Variants in PATJ observed in about 807,000 individuals in gnomAD.
PATJ encodes PATJ crumbs cell polarity complex component.
In PATJ, 190 loss-of-function variants were observed where a neutral mutation model predicts 224.9. The observed-to-expected ratio is 0.84, with a 90% CI of 0.75 to 0.95. The LOEUF is 0.95. PATJ is among the 40% of genes least tolerant of loss of function. The pLI, the probability that PATJ is intolerant of heterozygous loss-of-function variation, is 0.00. For synonymous variants in PATJ, 769 were observed against 820.3 expected, an observed-to-expected ratio of 0.94 and a Z score of 1.07; for missense variants, 2,121 against 2,270.3, an observed-to-expected ratio of 0.93 and a Z score of 1.34.
intron 22 of PATJ, among the ~76,000 whole-genome samples, chr1:61,888,041 A>G (rs1423598722): frequency 6.6e-6 from 1 of 152,148 alleles, no homozygotes; most frequent in Non-Finnish European, 1.5e-5. Flanking sequence ...CATAGCCCAT[A>G]TCTGAGTGGA....
intron 14 of PATJ, among the ~76,000 whole-genome samples, chr1:61,810,515 A>G (rs928704083): frequency 1.3e-5 from 2 of 151,874 alleles, no homozygotes; most frequent in African/African-American, 2.4e-5. Flanking sequence ...TGGCCAACAT[A>G]GTGAAACCCT....
intron 43 of PATJ, among the ~76,000 whole-genome samples, chr1:62,159,960 C>G (rs1257981614): frequency 6.6e-6 from 1 of 152,116 alleles, no homozygotes; most frequent in African/African-American, 2.4e-5. Context: ...GGACACAGAT[C>G]TCAGGAGCGT....
chr1:62,084,118 G>A (rs543764049), intron 32 of PATJ, among the ~76,000 whole-genome samples: 1 of 152,308 alleles, frequency 6.6e-6, no homozygotes, highest in South Asian at 2.1e-4. Context: ...GCCAGGCATG[G>A]TGGTGGGTGC....
intron 21 of PATJ, among the ~76,000 whole-genome samples, chr1:61,878,761 A>G (rs1667687547): frequency 6.6e-6 from 1 of 151,478 alleles, no homozygotes; most frequent in South Asian, 2.1e-4. Context: ...TAAGGCAAGT[A>G]CCCCAAATAT....
chr1:61,780,816 A>T (rs1481267678), intron 7 of PATJ, among the ~76,000 whole-genome samples: 2 of 152,228 alleles, frequency 1.3e-5, no homozygotes, highest in Admixed American at 1.3e-4. Context: ...TAAGATGTGC[A>T]GAGTTTCCCA....
At chr1:61,930,194 TA>T (rs1255998550) in intron 27 of PATJ, among the ~76,000 whole-genome samples, 4 of 152,166 alleles carry the variant, frequency 2.6e-5, no homozygotes, top group African/African-American at 9.7e-5. Flanking sequence ...TACACCCCAT[TA>T]AATTTACTGT....
At chr1:62,074,516 C>T (rs1362277436) in intron 31 of PATJ, among the ~76,000 whole-genome samples, 1 of 152,052 alleles carries the variant, frequency 6.6e-6, no homozygotes, top group African/African-American at 2.4e-5. Flanking sequence ...TCACTCTAAC[C>T]TCAAACTCCT....
intron 34 of PATJ, 32 bp from the exon 35 acceptor site, chr1:62,114,021 A>G (rs757427720): frequency 1.2e-6 from 2 of 1,602,120 alleles, no homozygotes. Flanking sequence ...CTCTGCCATC[A>G]GCAGCCCAGC....
At chr1:62,068,003 G>A (rs1656767392) in intron 31 of PATJ, among the ~76,000 whole-genome samples, 1 of 152,106 alleles carries the variant, frequency 6.6e-6, no homozygotes, top group African/African-American at 2.4e-5. Flanking sequence ...GTTTCACCGT[G>A]TTCCCTAGGC....
intron 39 of PATJ, among the ~76,000 whole-genome samples, chr1:62,124,974 C>G (rs758398395): frequency 6.6e-5 from 10 of 152,022 alleles, no homozygotes; most frequent in African/African-American, 9.7e-5. Context: ...TACCTGTAAT[C>G]CCAGCATTGT....
At chr1:61,850,076 G>A (rs1195317849) in intron 17 of PATJ, among the ~76,000 whole-genome samples, 1 of 152,044 alleles carries the variant, frequency 6.6e-6, no homozygotes, top group Non-Finnish European at 1.5e-5. Flanking sequence ...TTTTCACTGA[G>A]TTTGCCATGG....
chr1:61,922,291 C>T lies in PATJ; in HGVS notation c.3571-5439C>T, dbSNP rs796511202. Among the ~76,000 whole-genome samples the T allele has an allele frequency of 3.3e-5, 5 of 152,054 alleles. No individual in the cohort carries two copies. In the South Asian group the frequency reaches 6.2e-4, roughly 19 times the overall value. On this transcript the variant is annotated intron_variant, in intron 26 of 43. Coordinates refer to ENST00000642238, the MANE Select transcript of PATJ (RefSeq NM_001350145.3). ...AACTCCTGACATCAGGCGATCTGCCCGCCTCAGCCTCCCAAAGGCTGGAAT... is the reference window on the plus strand; with the variant it reads ...AACTCCTGACATCAGGCGATCTGCCTGCCTCAGCCTCCCAAAGGCTGGAAT...
intron 26 of PATJ, among the ~76,000 whole-genome samples, chr1:61,917,377 C>T (rs971922040): frequency 2.0e-5 from 3 of 152,196 alleles, no homozygotes; most frequent in Non-Finnish European, 4.4e-5. Flanking sequence ...GAAATACTCT[C>T]TTTCATTCCT....
chr1:62,030,269 A>G (rs536799202), intron 29 of PATJ, among the ~76,000 whole-genome samples: 1 of 152,374 alleles, frequency 6.6e-6, no homozygotes, highest in South Asian at 2.1e-4. Context: ...ACAAAGCCAT[A>G]AAACATTAAA....
intron 12 of PATJ, 24 bp from the exon 13 acceptor site, chr1:61,805,420 GCTCT>G (rs767386536): frequency 3.4e-5 from 49 of 1,426,716 alleles, no homozygotes; most frequent in Middle Eastern, 1.8e-4. Context: ...ACATTCTCTC[GCTCT>G]CTCTCTTTTT....
chr1:61,807,177 C>G (rs1653751787), intron 13 of PATJ, among the ~76,000 whole-genome samples: 1 of 151,940 alleles, frequency 6.6e-6, no homozygotes, highest in Non-Finnish European at 1.5e-5. Flanking sequence ...AAACAAAAAA[C>G]AAAAAAACAT....
In PATJ at chr1:61,783,571, G is replaced by T. The variant is rs181005208; in HGVS notation, c.850-4183G>T. ...GCTGGGATTACAGGCATGAGCCATGGTACCTGGATTCATTTTTTAGTTTTT... is the reference window on the plus strand; with the variant it reads ...GCTGGGATTACAGGCATGAGCCATGTTACCTGGATTCATTTTTTAGTTTTT... On this transcript the variant is annotated intron_variant, in intron 7 of 43. Transcript: ENST00000642238. Among the ~76,000 whole-genome samples the T allele has an allele frequency of 2.4e-4, 36 of 150,648 alleles. No individual in the cohort carries two copies. The East Asian group carries it at 6.5e-3, about 27-fold the overall frequency.
Position 61,875,342 on chromosome 1 carries a change from T to C in PATJ, c.2935T>C (p.Leu979=). The C allele has an allele frequency of 6.2e-7, 1 of 1,611,108 alleles. No individual in the cohort carries two copies. Among genetic ancestry groups the C allele is most frequent in the Non-Finnish European group, 8.5e-7 (1 of 1,178,612 alleles). Reference sequence around the variant, plus strand: ...TGACGACCTGGAAAATCTTAATTCATTAGCAAAAACTAGTCTGGATTTAGG... The same window carrying C: ...TGACGACCTGGAAAATCTTAATTCACTAGCAAAAACTAGTCTGGATTTAGG... ...RFDDLENLNS[L]AKTSLDLGMI... Residue 979 remains leucine, a synonymous_variant, in exon 21 of 44, where the codon TTA becomes CTA. Coordinates refer to ENST00000642238, the MANE Select transcript of PATJ (RefSeq NM_001350145.3).
At chr1:62,077,977 G>T (rs368243064) in intron 31 of PATJ, among the ~76,000 whole-genome samples, 33 of 152,350 alleles carry the variant, frequency 2.2e-4, no homozygotes, top group East Asian at 7.7e-4. Context: ...AAACTAGAAA[G>T]CACAGTGCAT....
Sources: allele counts gnomAD v4.1 joint callset (sites outside exome capture counted in the v4.1 genomes callset), GRCh38; gene constraint gnomAD v4.1.1; transcripts MANE v1.5; gene names NCBI Gene and HGNC (gene_info 2026-07-23, HGNC 2026-07-21).